CSMD1: variants seen among roughly 807,000 people sequenced by gnomAD.
The protein encoded by CSMD1 is CUB and Sushi multiple domains 1, also known as CUB and sushi domain-containing protein 1.
CSMD1 carries 213 observed loss-of-function variants against 417.5 expected under a neutral mutation model. The ratio of observed to expected loss-of-function variants is 0.51; its 90% CI spans 0.46 to 0.57. The LOEUF is 0.57. Among genes scored for constraint, CSMD1 ranks in the 20% least tolerant of loss-of-function variants. The pLI, the probability that CSMD1 is intolerant of heterozygous loss-of-function variation, is 0.00. For missense variants in CSMD1, 6,923 were observed against 4,529.7 expected (o/e 1.53, Z -15.17); for synonymous variants, 2,862 against 1,736.8 (o/e 1.65, Z -16.11).
chr8:4,239,375 C>G (rs1372296808), intron 3 of CSMD1, among the ~76,000 whole-genome samples: 1 of 152,162 alleles, frequency 6.6e-6, no homozygotes, highest in Non-Finnish European at 1.5e-5. Flanking sequence ...GCTGTTTTCT[C>G]ATTTGGCCAT....
chr8:4,323,894 G>T (rs1799409880), intron 3 of CSMD1, among the ~76,000 whole-genome samples: 1 of 152,108 alleles, frequency 6.6e-6, no homozygotes, highest in Non-Finnish European at 1.5e-5. Flanking sequence ...CACATTTTGA[G>T]TCTTGGAGTT....
chr8:4,555,048 C>G (rs751516492), intron 2 of CSMD1, among the ~76,000 whole-genome samples: 1 of 152,152 alleles, frequency 6.6e-6, no homozygotes, highest in African/African-American at 2.4e-5. Flanking sequence ...AGGAGCCAGC[C>G]CACGCAATTC....
chr8:4,886,894 C>A (rs1227867807), intron 1 of CSMD1, among the ~76,000 whole-genome samples: 1 of 151,920 alleles, frequency 6.6e-6, no homozygotes, highest in African/African-American at 2.4e-5. Context: ...CTATTTAAGA[C>A]TTTTTAAAAA....
chr8:3,000,600 CAG>C (rs1272901270), intron 52 of CSMD1, among the ~76,000 whole-genome samples: 3 of 152,070 alleles, frequency 2.0e-5, no homozygotes, highest in Non-Finnish European at 4.4e-5. Flanking sequence ...AATGGAAAGA[CAG>C]GGATCAGAGA....
intron 8 of CSMD1, among the ~76,000 whole-genome samples, chr8:3,593,221 G>C (rs1362696302): frequency 2.0e-5 from 3 of 152,220 alleles, no homozygotes; most frequent in Non-Finnish European, 4.4e-5. Flanking sequence ...ACCCAAGCTG[G>C]GTGAGGAGAC....
At chr8:4,021,769 G>C (rs138695621) in intron 4 of CSMD1, among the ~76,000 whole-genome samples, 1,668 of 151,960 alleles carry the variant, frequency 0.011, 27 homozygotes, top group African/African-American at 0.038. Flanking sequence ...TCTTTATCTT[G>C]AGTGACAAAT....
intron 57 of CSMD1, 39 bp downstream of exon 57, chr8:2,973,078 T>C: frequency 6.3e-7 from 1 of 1,593,862 alleles, no homozygotes; most frequent in Non-Finnish European, 8.6e-7. Context: ...TGTGTGGTTT[T>C]AACTTTCAAG....
chr8:4,250,988 A>T (rs767831443), intron 3 of CSMD1, among the ~76,000 whole-genome samples: 5 of 152,190 alleles, frequency 3.3e-5, no homozygotes, highest in African/African-American at 7.2e-5. Context: ...TTAGACACTG[A>T]TATTTCCTAA....
Position 4,262,673 on chromosome 8 carries a change from A to G in CSMD1, c.415+157280T>C, listed in dbSNP as rs150784780. Among the ~76,000 whole-genome samples the G allele has an allele frequency of 9.8e-3, 1,490 of 152,218 alleles. 23 individuals are homozygous for G. Among genetic ancestry groups the G allele is most frequent in the African/African-American group, 0.034 (1,418 of 41,536 alleles). On this transcript the variant is annotated intron_variant, in intron 3 of 69. Transcript: ENST00000635120. Reference sequence around the variant, plus strand: ...CTGAAAGAGTAAAACGTGCCCAACCAGGACCCTCAGCCTCCAGCCTCAAGT... The same window carrying G: ...CTGAAAGAGTAAAACGTGCCCAACCGGGACCCTCAGCCTCCAGCCTCAAGT...
intron 5 of CSMD1, among the ~76,000 whole-genome samples, chr8:3,935,944 G>C (rs915740344): frequency 6.6e-6 from 1 of 152,142 alleles, no homozygotes; most frequent in African/African-American, 2.4e-5. Flanking sequence ...GAGCCAAGCT[G>C]TGAATGCAAA....
chr8:3,812,215 T>C (rs1801128846), intron 5 of CSMD1, among the ~76,000 whole-genome samples: 1 of 152,202 alleles, frequency 6.6e-6, no homozygotes. Flanking sequence ...ATATATCGTT[T>C]GTACTCAAAA....
chr8:4,590,910 C>T (rs1054293458), intron 2 of CSMD1, among the ~76,000 whole-genome samples: 1 of 152,206 alleles, frequency 6.6e-6, no homozygotes, highest in African/African-American at 2.4e-5. Flanking sequence ...TGTGATACAA[C>T]AATGCTCTCA....
rs1316254119 is a variant in CSMD1, at chr8:4,295,119, CATATAATCTTAAGATT to C, written c.415+124818_415+124833del. 1.4e-4 allele frequency among the ~76,000 whole-genome samples: 13 copies of C among 92,928 alleles called. 2 individuals carry two copies. Among genetic ancestry groups the C allele is most frequent in the South Asian group, 6.7e-4 (2 of 2,986 alleles). 61.0% of individuals were successfully genotyped at this position (92,928 alleles called of 152,430 possible). On this transcript the variant is annotated intron_variant, in intron 3 of 69. Coordinates refer to ENST00000635120, the MANE Select transcript of CSMD1 (RefSeq NM_033225.6). Reference sequence around the variant, plus strand: ...ACACATATAATCTTAAGATTACACACATATAATCTTAAGATTATATAATCTTAAGATTACGCACATA... The same window carrying C: ...ACACATATAATCTTAAGATTACACACATATAATCTTAAGATTACGCACATA...
intron 1 of CSMD1, among the ~76,000 whole-genome samples, chr8:4,738,911 G>GTGTGTGTGTGTGTGTGTC (rs1247471735): frequency 6.6e-6 from 1 of 151,992 alleles, no homozygotes; most frequent in Non-Finnish European, 1.5e-5. Context: ...GTTTGTGTGT[G>GTGTGTGTGTGTGTGTGTC]TGTGTGTGTG....
chr8:3,588,381 G>A (rs1050388237), intron 8 of CSMD1, among the ~76,000 whole-genome samples: 5 of 152,088 alleles, frequency 3.3e-5, no homozygotes, highest in African/African-American at 9.7e-5. Flanking sequence ...AGAGTCCTCG[G>A]GTAGGAAGAG....
At chr8:3,136,243 CTTTT>C (rs768094315) in intron 41 of CSMD1, among the ~76,000 whole-genome samples, 4 of 145,030 alleles carry the variant, frequency 2.8e-5, no homozygotes, top group African/African-American at 5.1e-5. Flanking sequence ...ACAACCAAGC[CTTTT>C]TTTTTTCTTT....
At chr8:4,704,144 C>A (rs1807766181) in intron 1 of CSMD1, among the ~76,000 whole-genome samples, 1 of 152,200 alleles carries the variant, frequency 6.6e-6, no homozygotes, top group Non-Finnish European at 1.5e-5. Context: ...GACCCGTGAT[C>A]TAGCTAAATA....
chr8:3,713,884 G>T (rs1468971521), intron 6 of CSMD1, among the ~76,000 whole-genome samples: 2 of 152,060 alleles, frequency 1.3e-5, no homozygotes, highest in East Asian at 3.9e-4. Flanking sequence ...TCATTAACTT[G>T]CATGTTTACT....
intron 3 of CSMD1, among the ~76,000 whole-genome samples, chr8:4,038,787 G>C (rs898963355): frequency 6.6e-6 from 1 of 152,198 alleles, no homozygotes; most frequent in Non-Finnish European, 1.5e-5. Context: ...AAAGAGCTCT[G>C]GGCACAGTTG....
Sources: allele counts gnomAD v4.1 joint callset (sites outside exome capture counted in the v4.1 genomes callset), GRCh38; gene constraint gnomAD v4.1.1; transcripts MANE v1.5; gene names NCBI Gene and HGNC (gene_info 2026-07-23, HGNC 2026-07-21).